The following KLK11 variants were observed in gnomAD, a reference collection of about 807,000 sequenced individuals.
KLK11 encodes the protein kallikrein related peptidase 11, also known as kallikrein-11.
A neutral mutation model predicts 23.4 loss-of-function variants in KLK11; 10 were observed. The ratio of observed to expected loss-of-function variants is 0.43; its 90% CI spans 0.26 to 0.73. KLK11 has a LOEUF of 0.73. Ranked by LOEUF, KLK11 falls within the 30% of genes least tolerant of loss-of-function variation. The pLI is 0.22. For synonymous variants in KLK11, 131 were observed against 131.7 expected (o/e 0.99, Z 0.03); for missense variants, 285 against 327.8 (o/e 0.87, Z 1.01).
chr19:51,026,646 C>T (rs1367069645), upstream of KLK11: 3 of 980,612 alleles, frequency 3.1e-6, no homozygotes, highest in Non-Finnish European at 3.6e-6. Context: ...ACCAGGCAGG[C>T]GGGCTGGCAG....
chr19:51,022,841 G>T, intron 5 of KLK11, 144 bp from the exon 6 acceptor site: 1 of 1,001,536 alleles, frequency 1.0e-6, no homozygotes, highest in East Asian at 2.4e-5. Flanking sequence ...CGATAAAGCT[G>T]GGATTATGGG....
chr19:51,023,897 A>C (rs1032865144), intron 4 of KLK11, 148 bp downstream of exon 4: 3 of 661,422 alleles, frequency 4.5e-6, no homozygotes, highest in Non-Finnish European at 6.9e-6. Flanking sequence ...TTTTGTCCCC[A>C]CCCCCCTATC....
Position 51,024,279 on chromosome 19 carries a change from G to T in KLK11, c.229C>A (p.Leu77Ile). 1.9e-6 allele frequency: 3 copies of T among 1,614,114 alleles called. No homozygotes were observed. Among genetic ancestry groups the T allele is most frequent in the Non-Finnish European group, 2.5e-6 (3 of 1,180,002 alleles). The change falls in exon 4 of 6, where the codon CTC becomes ATC. Residue 77 changes from leucine to isoleucine, a missense_variant. By Grantham distance (5) the Leu-to-Ile change is conservative. Transcript: ENST00000453757. The surrounding 1 kb of genome is among the most constrained non-coding windows in gnomAD (Gnocchi z 6.2). ...RYIVHLGQHN[L>I]QKEEGCEQTR... Reference sequence around the variant, plus strand: ...TGCTCACAGCCCTCCTCCTTCTGGAGGTTGTGCTGCCCCAGGTGAACTATG... The same window carrying T: ...TGCTCACAGCCCTCCTCCTTCTGGATGTTGTGCTGCCCCAGGTGAACTATG...
chr19:51,026,660 G>A, upstream of KLK11: 2 of 932,502 alleles, frequency 2.1e-6, no homozygotes, highest in Non-Finnish European at 2.6e-6. Flanking sequence ...CTGGCAGGGG[G>A]GCGGCCCTGG....
rs939442770 is a variant in KLK11, at chr19:51,025,725, G to T, written c.-35-59C>A. 4.5e-6 allele frequency: 3 copies of T among 674,050 alleles called. No homozygotes were observed. The highest frequency in any genetic ancestry group is 2.5e-6 in the Non-Finnish European group (1 of 392,800). The allele number at this position is 674,050 out of a possible 1,614,324, so 41.8% of individuals were successfully genotyped here. A position where few individuals can be genotyped will look rare whatever the true frequency, so the allele number is the denominator to read the frequency against. ...TTTACGGGGAAATCGGGAGGGGGGG[G>T]CTGGCTCATGCCCTCTCCTCTCTCC... On this transcript the variant is annotated intron_variant, in intron 1 of 5. Coordinates refer to ENST00000453757, the MANE Select transcript of KLK11 (RefSeq NM_001136032.3). The surrounding 1 kb of genome is among the most constrained non-coding windows in gnomAD (Gnocchi z 6.2).
chr19:51,026,039 C>T (rs1417637207), intron 1 of KLK11, among the ~76,000 whole-genome samples: 1 of 152,124 alleles, frequency 6.6e-6, no homozygotes, highest in Non-Finnish European at 1.5e-5. Context: ...CTGGCCAGGC[C>T]CCAGCAGCTT....
upstream of KLK11, chr19:51,027,168 C>A (rs556264082): frequency 3.6e-5 from 14 of 392,372 alleles, no homozygotes; most frequent in Non-Finnish European, 5.5e-5. Context: ...CTCCACAGCC[C>A]CAGCCCAGGT....
At chr19:51,023,440 A>G (rs974949008) in intron 4 of KLK11, 50 of 513,366 alleles carry the variant, frequency 9.7e-5, no homozygotes, top group African/African-American at 9.7e-4. Flanking sequence ...GCTGGAGTGC[A>G]GTGGCGTGAT....
intron 4 of KLK11, chr19:51,023,722 T>C (rs1256040073): frequency 1.1e-5 from 3 of 276,276 alleles, no homozygotes; most frequent in East Asian, 7.0e-5. Context: ...TTGCTTGATA[T>C]ACATTATCTC....
chr19:51,026,181 G>A (rs1189133347), intron 1 of KLK11, among the ~76,000 whole-genome samples: 1 of 152,028 alleles, frequency 6.6e-6, no homozygotes, highest in Non-Finnish European at 1.5e-5. Context: ...GACAATGTCT[G>A]GGACCCCCAT....
In KLK11 at chr19:51,022,676, C is replaced by G; in HGVS notation, c.622G>C (p.Val208Leu). Residue 208 changes from valine to leucine, a missense_variant, in exon 6 of 6, where the codon GTC becomes CTC. By Grantham distance (32) the Val-to-Leu change is conservative. Transcript: ENST00000453757. ...SCQGDSGGPL[V>L]CNQSLQGIIS... is the part of the protein sequence containing the mutation. ...ATGCCTTGAAGAGACTGGTTACAGA[C>G]CAGAGGGCCCCCGGAGTCACCCTGG... 1.2e-6 allele frequency: 2 copies of G among 1,613,028 alleles called. No homozygotes were observed. The highest frequency in any genetic ancestry group is 2.2e-5 in the East Asian group (1 of 44,882).
In KLK11 at chr19:51,025,994, CAT is replaced by C. The variant is rs2091481307; in HGVS notation, c.-35-330_-35-329del. On this transcript the variant is annotated intron_variant, in intron 1 of 5. Coordinates refer to ENST00000453757, the MANE Select transcript of KLK11 (RefSeq NM_001136032.3). This position sits in a 1 kb window ranked among gnomAD's most constrained non-coding sequence, Gnocchi z 6.2. ...AGTCAGCCATGGGACCTCCCCGGCA[CAT>C]GTCAGAGGATGTTTTCCTTCTTGCC... Among the ~76,000 whole-genome samples the C allele has an allele frequency of 6.6e-6, 1 of 152,154 alleles. No individual in the cohort carries two copies. Among genetic ancestry groups the C allele is most frequent in the Non-Finnish European group, 1.5e-5 (1 of 68,014 alleles).
chr19:51,024,035 G>A lies in KLK11; in HGVS notation c.463+10C>T, dbSNP rs772122124. 6.6e-7 allele frequency: 1 copy of A among 1,514,754 alleles called. No homozygotes were observed. Among genetic ancestry groups the A allele is most frequent in the South Asian group, 1.3e-5 (1 of 75,598 alleles). 93.8% of individuals were successfully genotyped at this position (1,514,754 alleles called of 1,614,324 possible). The stretch of plus-strand genomic sequence containing the variant: ...CCACCCCCTGCCAGGTTCCCCTCTG[G>A]TGCTCCTACACTGGGGGCTGGACGT... On this transcript the variant is annotated intron_variant, in intron 4 of 5. Coordinates refer to ENST00000453757, the MANE Select transcript of KLK11 (RefSeq NM_001136032.3). This position sits in a 1 kb window ranked among gnomAD's most constrained non-coding sequence, Gnocchi z 6.2.
chr19:51,025,770 C>A lies in KLK11; in HGVS notation c.-35-104G>T. On this transcript the variant is annotated intron_variant, in intron 1 of 5. Transcript: ENST00000453757. This position sits in a 1 kb window ranked among gnomAD's most constrained non-coding sequence, Gnocchi z 6.2. ...CTCTCCCTCACCTGCTCCCGCTCCC[C>A]ACTTGGGAGAAACAAGGTTGGGGAA... 2 of 526,888 alleles carry A rather than the reference C, an allele frequency of 3.8e-6. No homozygotes were observed. The highest frequency in any genetic ancestry group is 6.7e-5 in the East Asian group (2 of 29,720). The allele number at this position is 526,888 out of a possible 1,614,324, so 32.6% of individuals were successfully genotyped here. A position where few individuals can be genotyped will look rare whatever the true frequency, so the allele number is the denominator to read the frequency against.
rs1323126633 is a variant in KLK11 at position 51,022,340 on chromosome 19, C to A, written c.*205G>T. Reference sequence around the variant, plus strand: ...CCAGGTGTTGTCATTCCCAGAGTCACAATATTTCAAGGCAGAATTTGAATC... The same window carrying A: ...CCAGGTGTTGTCATTCCCAGAGTCAAAATATTTCAAGGCAGAATTTGAATC... On this transcript the variant is annotated 3_prime_UTR_variant, in exon 6 of 6. Transcript: ENST00000453757. 1.2e-5 allele frequency: 7 copies of A among 600,862 alleles called. No homozygotes were observed. Among genetic ancestry groups the A allele is most frequent in the Non-Finnish European group, 3.0e-6 (1 of 338,904 alleles). The allele number at this position is 600,862 out of a possible 1,614,324, so 37.2% of individuals were successfully genotyped here. A position where few individuals can be genotyped will look rare whatever the true frequency, so the allele number is the denominator to read the frequency against.
Position 51,024,874 on chromosome 19 carries a change from G to A in KLK11, c.41-80C>T. 1 of 1,372,812 alleles carries A rather than the reference G, an allele frequency of 7.3e-7. No individual in the cohort carries two copies. The highest frequency in any genetic ancestry group is 9.7e-7 in the Non-Finnish European group (1 of 1,036,146). 85.0% of individuals were successfully genotyped at this position (1,372,812 alleles called of 1,614,324 possible). ...GAGGACTCCCAGAAATGGGGGTGGG[G>A]AGGAGAGAAAGAGAGTGGGTGGTCT... On this transcript the variant is annotated intron_variant, in intron 2 of 5. Coordinates refer to ENST00000453757, the MANE Select transcript of KLK11 (RefSeq NM_001136032.3). This position sits in a 1 kb window ranked among gnomAD's most constrained non-coding sequence, Gnocchi z 6.2.
upstream of KLK11, chr19:51,027,707 C>T (rs950269903): frequency 8.5e-6 from 5 of 591,520 alleles, no homozygotes; most frequent in Admixed American, 2.9e-5. Flanking sequence ...TATGACTACC[C>T]TTATGACGTG....
In KLK11 at chr19:51,022,255, T is replaced by C. The variant is rs941952794; in HGVS notation, c.*290A>G. The stretch of plus-strand genomic sequence containing the variant: ...ATTCACTCATTTAGCAAATATTTAT[T>C]GAAACCTTGATATATGGCCAGGAGC... On this transcript the variant is annotated 3_prime_UTR_variant, in exon 6 of 6. Transcript: ENST00000453757. 4 of 443,684 alleles carry C rather than the reference T, an allele frequency of 9.0e-6. No individual in the cohort carries two copies. Among genetic ancestry groups the C allele is most frequent in the Admixed American group, 7.1e-5 (2 of 28,036 alleles). The allele number at this position is 443,684 out of a possible 1,614,324, so 27.5% of individuals were successfully genotyped here. A position where few individuals can be genotyped will look rare whatever the true frequency, so the allele number is the denominator to read the frequency against.
Position 51,024,135 on chromosome 19 carries a change from C to T in KLK11, c.373G>A (p.Ala125Thr). 1 of 1,611,030 alleles carries T rather than the reference C, an allele frequency of 6.2e-7. No individual in the cohort carries two copies. ...GAGGAGAGGGTGAGGGGTCGCACAG[C>T]CCAGGTGATGGAGACTGGCGATGCC... is the stretch of plus-strand genomic sequence containing the variant. Reference protein sequence around the residue: ...KMASPVSITWAVRPLTLSSRC... With the variant: ...KMASPVSITWTVRPLTLSSRC... Residue 125 changes from alanine (A) to threonine (T), a missense_variant, in exon 4 of 6, where the codon GCT (alanine) becomes ACT (threonine). Coordinates refer to ENST00000453757, the MANE Select transcript of KLK11 (RefSeq NM_001136032.3). The surrounding 1 kb of genome is among the most constrained non-coding windows in gnomAD (Gnocchi z 6.2).
Sources: allele counts gnomAD v4.1 joint callset (sites outside exome capture counted in the v4.1 genomes callset), GRCh38; gene constraint gnomAD v4.1.1; non-coding constraint Gnocchi (gnomAD v3.1); transcripts MANE v1.5; gene names NCBI Gene and HGNC (gene_info 2026-07-23, HGNC 2026-07-21).